The following EFHC2 variants were observed in gnomAD, a reference collection of about 807,000 sequenced individuals.
EFHC2 encodes the protein EF-hand domain containing 2, also known as EF-hand domain-containing family member C2.
A neutral mutation model predicts 52.7 loss-of-function variants in EFHC2; 18 were observed. The ratio of observed to expected loss-of-function variants is 0.34; its 90% CI spans 0.24 to 0.51. EFHC2 has a LOEUF of 0.51. EFHC2 is among the 20% of genes least tolerant of loss of function. The pLI is 0.97. For missense variants in EFHC2, 513 were observed against 562.5 expected (o/e 0.91, Z 0.89); for synonymous variants, 203 against 204.1 (o/e 0.99, Z 0.04).
chrX:44,310,335 CAG>C, intron 2 of EFHC2: 1 of 877,794 alleles, frequency 1.1e-6, no homozygotes, highest in African/African-American at 2.0e-5. Flanking sequence ...ATCCTCCATG[CAG>C]TCTTGCTGGC....
intron 11 of EFHC2, among the ~76,000 whole-genome samples, chrX:44,192,550 ATACTT>A (rs1348470300): frequency 5.3e-5 from 6 of 112,177 alleles, no homozygotes; most frequent in African/African-American, 1.9e-4. Context: ...CAATTTACAA[ATACTT>A]TACTTAGCTT....
At chrX:44,179,532 G>T (rs2036817913) in intron 11 of EFHC2, among the ~76,000 whole-genome samples, 1 of 112,018 alleles carries the variant, frequency 8.9e-6, no homozygotes, top group Admixed American at 9.5e-5. Flanking sequence ...TCCTAGTCAA[G>T]AATTTCCATA....
chrX:44,311,257 G>A (rs1014081970), intron 2 of EFHC2, among the ~76,000 whole-genome samples: 27 of 111,130 alleles, frequency 2.4e-4, no homozygotes, highest in African/African-American at 8.2e-4. Flanking sequence ...CCTGTGGTCT[G>A]TTAGATCACT....
intron 13 of EFHC2, among the ~76,000 whole-genome samples, chrX:44,169,857 A>G (rs966118890): frequency 1.1e-4 from 12 of 111,753 alleles, no homozygotes; most frequent in Non-Finnish European, 3.8e-5. Context: ...ATATTAAGCT[A>G]AATTTTCAGT....
chrX:44,222,665 G>C (rs928206110), intron 11 of EFHC2, among the ~76,000 whole-genome samples: 2 of 111,518 alleles, frequency 1.8e-5, no homozygotes, highest in Non-Finnish European at 3.8e-5. Context: ...CGTGTTCCCT[G>C]TTTGGCTCAT....
At chrX:44,290,359 G>A (rs1318351504) in intron 2 of EFHC2, among the ~76,000 whole-genome samples, 1 of 111,169 alleles carries the variant, frequency 9.0e-6, no homozygotes, top group Non-Finnish European at 1.9e-5. Context: ...TTCTCACTTT[G>A]TATTATATAC....
At chrX:44,281,554 A>G (rs754757227) in intron 2 of EFHC2, among the ~76,000 whole-genome samples, 1 of 112,239 alleles carries the variant, frequency 8.9e-6, no homozygotes, top group Admixed American at 9.4e-5. Context: ...GTATTGGCTT[A>G]AATATAATAA....
At chrX:44,257,041 C>A (rs1316777996) in intron 4 of EFHC2, among the ~76,000 whole-genome samples, 2 of 111,553 alleles carry the variant, frequency 1.8e-5, no homozygotes, top group Admixed American at 9.5e-5. Flanking sequence ...GAACCAATGA[C>A]AAAAACCACA....
At chrX:44,217,286 G>C (rs1278740026) in intron 11 of EFHC2, among the ~76,000 whole-genome samples, 1 of 111,722 alleles carries the variant, frequency 9.0e-6, no homozygotes, top group Non-Finnish European at 1.9e-5. Context: ...ATGTAAATTA[G>C]TATAACCACT....
chrX:44,152,613 T>C (rs1449514554), intron 14 of EFHC2, among the ~76,000 whole-genome samples: 1 of 110,914 alleles, frequency 9.0e-6, no homozygotes, highest in African/African-American at 3.3e-5. Flanking sequence ...AGACGGCTGA[T>C]GGCTAAACCC....
intron 13 of EFHC2, among the ~76,000 whole-genome samples, chrX:44,171,001 G>A (rs758176353): frequency 3.9e-4 from 44 of 112,349 alleles, no homozygotes; most frequent in African/African-American, 1.3e-3. Flanking sequence ...CTCACAGTGC[G>A]AAAGTGTTTT....
intron 2 of EFHC2, among the ~76,000 whole-genome samples, chrX:44,274,039 C>G (rs1172603853): frequency 8.9e-6 from 1 of 111,864 alleles, no homozygotes. Context: ...TAACAGAATG[C>G]CTCAGTAGCT....
chrX:44,259,107 T>C (rs2037516860), intron 4 of EFHC2, among the ~76,000 whole-genome samples: 1 of 111,832 alleles, frequency 8.9e-6, no homozygotes, highest in African/African-American at 3.3e-5. Flanking sequence ...CACGTGTTTA[T>C]TGCAGCACTA....
intron 1 of EFHC2, among the ~76,000 whole-genome samples, chrX:44,341,694 C>T (rs1022901208): frequency 3.6e-5 from 4 of 112,648 alleles, no homozygotes; most frequent in African/African-American, 9.7e-5. Flanking sequence ...AAGGGATCCT[C>T]CCATCTCTGC....
intron 11 of EFHC2, among the ~76,000 whole-genome samples, chrX:44,205,630 A>G (rs984938749): frequency 9.0e-6 from 1 of 111,664 alleles, no homozygotes; most frequent in Non-Finnish European, 1.9e-5. Context: ...AAAAGGACAA[A>G]GAAGGGCACT....
intron 2 of EFHC2, chrX:44,310,209 A>G (rs962757721): frequency 9.8e-5 from 71 of 727,662 alleles, no homozygotes; most frequent in Non-Finnish European, 1.4e-4. Context: ...CATCTGCCAG[A>G]TATCATGGTA....
intron 1 of EFHC2, among the ~76,000 whole-genome samples, chrX:44,338,071 G>A (rs774717182): frequency 2.8e-4 from 31 of 111,763 alleles, no homozygotes; most frequent in African/African-American, 9.7e-4. Context: ...TGATGAAAAT[G>A]TTCTGAAACT....
chrX:44,332,043 AT>A (rs2038089973), intron 1 of EFHC2, among the ~76,000 whole-genome samples: 1 of 110,652 alleles, frequency 9.0e-6, no homozygotes, highest in African/African-American at 3.3e-5. Flanking sequence ...AATTATCTCA[AT>A]AAAAACTTCA....
At position 44,242,162 on chromosome X, in the gene EFHC2, T is replaced by C. The variant is rs2037364273; in HGVS notation, c.1239A>G (p.Thr413=). Residue 413 remains threonine, a synonymous_variant, in exon 8 of 15, where the codon ACA becomes ACG. Coordinates refer to ENST00000420999, the MANE Select transcript of EFHC2 (RefSeq NM_025184.4). ...SLRNCIDLKP[T]PHRRNFKKFM... ...ACTTCTTGAAGTTCCTCCGATGAGG[T>C]GTGGGCTTGAGGTCTATGCAGTTAC... The C allele has an allele frequency of 8.3e-7, 1 of 1,205,208 alleles. No homozygotes were observed. The highest frequency in any genetic ancestry group is 3.0e-5 in the East Asian group (1 of 33,667).
Sources: allele counts gnomAD v4.1 joint callset (sites outside exome capture counted in the v4.1 genomes callset), GRCh38; gene constraint gnomAD v4.1.1; transcripts MANE v1.5; gene names NCBI Gene and HGNC (gene_info 2026-07-23, HGNC 2026-07-21).